The following AAGAB variants were observed in gnomAD, a reference collection of about 807,000 sequenced individuals.
AAGAB encodes alpha and gamma adaptin binding protein, also known as alpha- and gamma-adaptin-binding protein p34.
AAGAB carries 38 observed loss-of-function variants against 44.1 expected under a neutral mutation model. The observed-to-expected ratio is 0.86, with a 90% CI of 0.67 to 1.13. The LOEUF is 1.13. Ranked by LOEUF, AAGAB falls within the 50% of genes most tolerant of loss-of-function variation. The pLI is 0.00. For synonymous variants in AAGAB, 131 were observed against 131.8 expected (o/e 0.99, Z 0.04); for missense variants, 450 against 373.8 (o/e 1.20, Z -1.68).
chr15:67,246,156 G>C (rs955060727), intron 1 of AAGAB, among the ~76,000 whole-genome samples: 2 of 152,144 alleles, frequency 1.3e-5, no homozygotes, highest in African/African-American at 4.8e-5. Context: ...CAAGGTGAGC[G>C]GATCAGCTGA....
Position 67,254,586 on chromosome 15 carries a change from C to G in AAGAB, c.46G>C (p.Val16Leu). The change falls in exon 1 of 10, where the codon GTC becomes CTC. Residue 16 changes from valine to leucine, a missense_variant. Coordinates refer to ENST00000261880, the MANE Select transcript of AAGAB (RefSeq NM_024666.5). ...TGGACCAGCTGGTCTCCTGAGAAGA[C>G]GGAGGAGCAGCTGGTGACTAACGCA... ...PCALVTSCSS[V>L]FSGDQLVQHI... The G allele has an allele frequency of 8.1e-6, 13 of 1,609,814 alleles. No homozygotes were observed. Among genetic ancestry groups the G allele is most frequent in the Non-Finnish European group, 1.1e-5 (13 of 1,179,066 alleles).
chr15:67,206,738 TCAA>T (rs1963693654), intron 7 of AAGAB, among the ~76,000 whole-genome samples: 1 of 152,204 alleles, frequency 6.6e-6, no homozygotes, highest in African/African-American at 2.4e-5. Context: ...CTATGCCCTT[TCAA>T]CATGTCCCCA....
intron 5 of AAGAB, among the ~76,000 whole-genome samples, chr15:67,211,604 T>C (rs1213778768): frequency 1.3e-5 from 2 of 152,240 alleles, no homozygotes; most frequent in Admixed American, 1.3e-4. Context: ...TGAGTGCTCT[T>C]ATAATATACT....
intron 1 of AAGAB, chr15:67,242,693 A>G (rs1266134963): frequency 1.3e-5 from 2 of 152,240 alleles, no homozygotes; most frequent in East Asian, 3.8e-4. Context: ...CTTTACAGAC[A>G]AATGTCAGGA....
At chr15:67,235,604 T>A (rs1964442754) in intron 4 of AAGAB, among the ~76,000 whole-genome samples, 1 of 152,186 alleles carries the variant, frequency 6.6e-6, no homozygotes, top group African/African-American at 2.4e-5. Context: ...TTCTTGGGAA[T>A]TCAGCCTTAG....
At chr15:67,203,366 A>C (rs1963611734) in intron 9 of AAGAB, among the ~76,000 whole-genome samples, 182 bp downstream of exon 9, 1 of 152,202 alleles carries the variant, frequency 6.6e-6, no homozygotes, top group Non-Finnish European at 1.5e-5. Flanking sequence ...CCAGGTGAAA[A>C]ATCTTGGTTT....
At chr15:67,214,839 A>C (rs1200548117) in intron 5 of AAGAB, among the ~76,000 whole-genome samples, 1 of 151,856 alleles carries the variant, frequency 6.6e-6, no homozygotes, top group Non-Finnish European at 1.5e-5. Context: ...ATGGGGTTTC[A>C]CCGTGTTAGC....
At chr15:67,211,594 T>C (rs1963821730) in intron 5 of AAGAB, among the ~76,000 whole-genome samples, 1 of 152,246 alleles carries the variant, frequency 6.6e-6, no homozygotes. Context: ...TTAAGATACA[T>C]GAGTGCTCTT....
At chr15:67,208,126 C>T (rs987760394) in intron 7 of AAGAB, among the ~76,000 whole-genome samples, 1 of 152,138 alleles carries the variant, frequency 6.6e-6, no homozygotes, top group Admixed American at 6.6e-5. Flanking sequence ...AGTTATTAAA[C>T]TTCTCTGCAA....
At chr15:67,223,325 C>G (rs1451799773) in intron 5 of AAGAB, among the ~76,000 whole-genome samples, 2 of 152,194 alleles carry the variant, frequency 1.3e-5, no homozygotes, top group African/African-American at 4.8e-5. Context: ...GTAGCCATGT[C>G]AAACTCAACA....
intron 5 of AAGAB, chr15:67,226,557 T>C (rs989888681): frequency 1.3e-5 from 2 of 152,272 alleles, no homozygotes; most frequent in African/African-American, 4.8e-5. Flanking sequence ...ATTCTAGATA[T>C]ATTCTGCTGA....
At chr15:67,243,456 A>T (rs1425139345) in intron 1 of AAGAB, among the ~76,000 whole-genome samples, 1 of 152,096 alleles carries the variant, frequency 6.6e-6, no homozygotes, top group African/African-American at 2.4e-5. Context: ...CTCTATGGGG[A>T]TGTGATTCTC....
In AAGAB at chr15:67,208,547, A is replaced by G; in HGVS notation, c.715+15T>C. ...TGCACAAAGCTCTCTCTTGGCAGCC[A>G]AAGGAGGAACTTACCCACAATGCTA... On this transcript the variant is annotated intron_variant, in intron 7 of 9. Transcript: ENST00000261880. The G allele has an allele frequency of 1.2e-6, 2 of 1,610,554 alleles. No homozygotes were observed. The highest frequency in any genetic ancestry group is 1.7e-6 in the Non-Finnish European group (2 of 1,177,130).
In AAGAB at chr15:67,254,467, G is replaced by A. The variant is rs1965016062; in HGVS notation, c.73+92C>T. ...GGAGGAAGAACGCAGGGCCCGCTGC[G>A]GGGACAAGGCCCAGAGAGGCCGTGG... On this transcript the variant is annotated intron_variant, in intron 1 of 9. Coordinates refer to ENST00000261880, the MANE Select transcript of AAGAB (RefSeq NM_024666.5). 5 of 1,477,486 alleles carry A rather than the reference G, an allele frequency of 3.4e-6. No individual in the cohort carries two copies. The African/African-American group carries it at 5.6e-5, about 17-fold the overall frequency. 91.5% of individuals were successfully genotyped at this position (1,477,486 alleles called of 1,614,324 possible). A position where few individuals can be genotyped will look rare whatever the true frequency, so the allele number is the denominator to read the frequency against.
intron 4 of AAGAB, among the ~76,000 whole-genome samples, chr15:67,235,278 A>G (rs535321859): frequency 6.6e-6 from 1 of 152,346 alleles, no homozygotes; most frequent in African/African-American, 2.4e-5. Flanking sequence ...TATTTCTTCT[A>G]TAATACTTAT....
intron 1 of AAGAB, among the ~76,000 whole-genome samples, chr15:67,240,027 AT>A (rs1418234967): frequency 1.3e-5 from 2 of 152,232 alleles, no homozygotes; most frequent in Non-Finnish European, 2.9e-5. Flanking sequence ...CTACACCGTG[AT>A]GTTACAATAC....
chr15:67,228,525 G>C (rs1261561850), intron 5 of AAGAB, among the ~76,000 whole-genome samples: 1 of 152,330 alleles, frequency 6.6e-6, no homozygotes, highest in East Asian at 1.9e-4. Context: ...CACTGCTGGT[G>C]GGACTGTAAA....
intron 7 of AAGAB, 26 bp from the exon 8 acceptor site, chr15:67,204,174 C>T (rs1010715115): frequency 6.7e-7 from 1 of 1,481,934 alleles, no homozygotes; most frequent in African/African-American, 1.4e-5. Context: ...GTCACATTAT[C>T]TGTCACGTTA....
At chr15:67,241,067 ACAC>A (rs1299348671) in intron 1 of AAGAB, among the ~76,000 whole-genome samples, 59 of 151,832 alleles carry the variant, frequency 3.9e-4, no homozygotes, top group African/African-American at 1.4e-3. Flanking sequence ...ACACACACAC[ACAC>A]ATTTTATCTA....
Sources: gnomAD v4.1 joint callset for allele counts (sites outside exome capture counted in the v4.1 genomes callset) on GRCh38, gnomAD v4.1.1 for gene constraint, MANE v1.5 for transcripts, NCBI Gene and HGNC (gene_info 2026-07-23, HGNC 2026-07-21) for gene names.